The following RPS6KC1 variants were observed in gnomAD, a reference collection of about 807,000 sequenced individuals.
RPS6KC1 encodes ribosomal protein S6 kinase C1, also known as inactive ribosomal protein S6 kinase delta-1.
RPS6KC1 carries 54 observed loss-of-function variants against 103.8 expected under a neutral mutation model. That is an observed-to-expected ratio of 0.52 (90% CI 0.42 to 0.65). The LOEUF (loss-of-function observed/expected upper bound fraction) is 0.65, where lower values mean the gene tolerates loss of function less well. RPS6KC1 is among the 30% of genes least tolerant of loss of function. The pLI, the probability that RPS6KC1 is intolerant of heterozygous loss-of-function variation, is 0.00. For synonymous variants in RPS6KC1, 439 were observed against 438.7 expected (o/e 1.00, Z -0.01); for missense variants, 1,151 against 1,253.8 (o/e 0.92, Z 1.24).
At chr1:213,353,892 A>T in the RPS6KC1 span, among the ~76,000 whole-genome samples, 57 of 152,336 alleles carry the variant, frequency 3.7e-4, 1 homozygote, top group Non-Finnish European at 8.8e-5. Flanking sequence ...AGACATGGAA[A>T]AATGATGTGG....
intron 8 of RPS6KC1, among the ~76,000 whole-genome samples, chr1:213,187,420 A>C (rs1273112848): frequency 6.6e-6 from 1 of 151,034 alleles, no homozygotes. Context: ...AATTTTTGGC[A>C]TTTTTAGTAG....
At chr1:213,814,259 C>T in the RPS6KC1 span, among the ~76,000 whole-genome samples, 2 of 152,318 alleles carry the variant, frequency 1.3e-5, no homozygotes, top group East Asian at 3.9e-4. Context: ...AGAATTCTTT[C>T]TTGGAGCAGG....
the RPS6KC1 span, among the ~76,000 whole-genome samples, chr1:213,650,943 AAAAG>A: frequency 6.6e-6 from 1 of 151,184 alleles, no homozygotes; most frequent in African/African-American, 2.4e-5. Flanking sequence ...AAAAAAAAAA[AAAAG>A]AGGGGAGAGG....
chr1:213,599,667 T>C, the RPS6KC1 span, among the ~76,000 whole-genome samples: 1 of 152,242 alleles, frequency 6.6e-6, no homozygotes, highest in Non-Finnish European at 1.5e-5. Flanking sequence ...CTGGCGGTTT[T>C]GCATTATTAC....
the RPS6KC1 span, among the ~76,000 whole-genome samples, chr1:213,772,437 T>C: frequency 2.6e-5 from 4 of 152,346 alleles, no homozygotes; most frequent in South Asian, 8.3e-4. Context: ...AATGTGTCAT[T>C]TGCTGTACAA....
chr1:213,757,258 G>A, the RPS6KC1 span, among the ~76,000 whole-genome samples: 1 of 152,198 alleles, frequency 6.6e-6, no homozygotes, highest in African/African-American at 2.4e-5. Flanking sequence ...AAGATAGGCT[G>A]AAAGCTAGAC....
chr1:213,626,100 T>C, the RPS6KC1 span, among the ~76,000 whole-genome samples: 1 of 152,246 alleles, frequency 6.6e-6, no homozygotes, highest in Non-Finnish European at 1.5e-5. Context: ...TGTTGTTTCC[T>C]GACTTTTTAA....
chr1:213,789,805 G>A, the RPS6KC1 span, among the ~76,000 whole-genome samples: 3 of 152,152 alleles, frequency 2.0e-5, no homozygotes, highest in African/African-American at 7.2e-5. Flanking sequence ...TTTGCCTAAT[G>A]CCATCCATAT....
At position 213,272,543 on chromosome 1, in the gene RPS6KC1, T is replaced by C; in HGVS notation, c.3110T>C (p.Leu1037Pro). The C allele has an allele frequency of 6.2e-7, 1 of 1,614,028 alleles. No homozygotes were observed. Among genetic ancestry groups the C allele is most frequent in the Admixed American group, 1.7e-5 (1 of 60,016 alleles). Reference sequence around the variant, plus strand: ...TTTTAGCTCTTGCAGTTCAATCCTCTGGAACGACTTGGTGCTGGAGTTGCT... The same window carrying C: ...TTTTAGCTCTTGCAGTTCAATCCTCCGGAACGACTTGGTGCTGGAGTTGCT... Reference protein sequence around the residue: ...LIQQLLQFNPLERLGAGVAGV... With the variant: ...LIQQLLQFNPPERLGAGVAGV... Residue 1037 changes from leucine to proline, a missense_variant, in exon 15 of 15, where the codon CTG becomes CCG. Coordinates refer to ENST00000366960, the MANE Select transcript of RPS6KC1 (RefSeq NM_012424.6).
chr1:213,371,957 C>G, the RPS6KC1 span, among the ~76,000 whole-genome samples: 1 of 152,328 alleles, frequency 6.6e-6, no homozygotes, highest in African/African-American at 2.4e-5. Context: ...AGTCACAGGA[C>G]TGGACAGGAG....
the RPS6KC1 span, chr1:213,840,548 T>C: frequency 6.6e-6 from 1 of 152,140 alleles, no homozygotes; most frequent in African/African-American, 2.4e-5. Flanking sequence ...CAGAGGAAAC[T>C]TGGAAAGGGT....
intron 1 of RPS6KC1, among the ~76,000 whole-genome samples, chr1:213,067,030 A>T (rs2078392306): frequency 6.6e-6 from 1 of 152,170 alleles, no homozygotes; most frequent in Admixed American, 6.5e-5. Context: ...ACTCAAAAGG[A>T]TACAGCCATT....
At chr1:213,692,637 T>G in the RPS6KC1 span, among the ~76,000 whole-genome samples, 1 of 152,164 alleles carries the variant, frequency 6.6e-6, no homozygotes, top group South Asian at 2.1e-4. Flanking sequence ...TTTACTGGAG[T>G]TGTACATGTG....
intron 9 of RPS6KC1, 40 bp from the exon 10 acceptor site, chr1:213,232,083 T>C: frequency 6.3e-6 from 1 of 159,542 alleles, no homozygotes. Context: ...CAACTGAGGA[T>C]GCAACTGAGG....
At chr1:213,742,168 A>G in the RPS6KC1 span, among the ~76,000 whole-genome samples, 2 of 152,346 alleles carry the variant, frequency 1.3e-5, no homozygotes, top group African/African-American at 4.8e-5. Context: ...ATAATAAAAA[A>G]TAAAAGAAAT....
At chr1:213,097,029 C>T (rs554709889) in intron 3 of RPS6KC1, among the ~76,000 whole-genome samples, 6 of 152,252 alleles carry the variant, frequency 3.9e-5, no homozygotes, top group Admixed American at 1.3e-4. Context: ...ACCAGAGCTT[C>T]GAGTGAACCA....
At chr1:213,762,207 C>A in the RPS6KC1 span, among the ~76,000 whole-genome samples, 1 of 152,172 alleles carries the variant, frequency 6.6e-6, no homozygotes, top group Non-Finnish European at 1.5e-5. Flanking sequence ...GTGCTTTTCA[C>A]CCTTTTGCAC....
At chr1:213,349,673 C>T in the RPS6KC1 span, among the ~76,000 whole-genome samples, 3 of 152,112 alleles carry the variant, frequency 2.0e-5, no homozygotes, top group Non-Finnish European at 4.4e-5. Flanking sequence ...GACCTGAAAA[C>T]CTTCTCAAAC....
At chr1:213,172,058 G>A (rs12136981) in intron 7 of RPS6KC1, among the ~76,000 whole-genome samples, 6,647 of 152,204 alleles carry the variant, frequency 0.044, 259 homozygotes, top group Non-Finnish European at 0.062. Context: ...TCTAAATGTG[G>A]TTGGTGAAAC....
Sources: allele counts gnomAD v4.1 joint callset (sites outside exome capture counted in the v4.1 genomes callset), GRCh38; gene constraint gnomAD v4.1.1; transcripts MANE v1.5; gene names NCBI Gene and HGNC (gene_info 2026-07-23, HGNC 2026-07-21).